The following CADM2 variants were observed in gnomAD, a reference collection of about 807,000 sequenced individuals.
The protein encoded by CADM2 is immunoglobulin superfamily member 4D.
Under a neutral mutation model 49.8 loss-of-function variants are expected in CADM2, and 12 were observed. The observed-to-expected ratio is 0.24, with a 90% CI of 0.15 to 0.39. The LOEUF (loss-of-function observed/expected upper bound fraction) is 0.39, where lower values mean the gene tolerates loss of function less well. CADM2 is among the 10% of genes least tolerant of loss of function. The pLI is 1.00. For synonymous variants in CADM2, 214 were observed against 175.4 expected (o/e 1.22, Z -1.74); for missense variants, 378 against 492.3 (o/e 0.77, Z 2.20).
At chr3:85,069,908 T>C (rs1255980996) in intron 1 of CADM2, among the ~76,000 whole-genome samples, 1 of 152,188 alleles carries the variant, frequency 6.6e-6, no homozygotes, top group Non-Finnish European at 1.5e-5. Flanking sequence ...TATGTGTTGC[T>C]ATTCCTTAGC....
intron 8 of CADM2, among the ~76,000 whole-genome samples, chr3:85,997,407 A>C (rs1457239283): frequency 1.3e-5 from 2 of 152,168 alleles, no homozygotes; most frequent in Non-Finnish European, 2.9e-5. Flanking sequence ...GTGTATTGCA[A>C]ATTACTACAA....
At chr3:86,046,491 G>A (rs1736701298) in intron 8 of CADM2, among the ~76,000 whole-genome samples, 1 of 152,078 alleles carries the variant, frequency 6.6e-6, no homozygotes, top group East Asian at 1.9e-4. Context: ...ATGTGGCAAT[G>A]TTTGGGGACA....
At chr3:85,122,285 T>C (rs551047028) in intron 1 of CADM2, among the ~76,000 whole-genome samples, 17 of 152,294 alleles carry the variant, frequency 1.1e-4, no homozygotes, top group African/African-American at 3.4e-4. Flanking sequence ...TCAAGACTAA[T>C]TAAACATGAA....
intron 8 of CADM2, among the ~76,000 whole-genome samples, chr3:85,986,257 A>G (rs1728096960): frequency 6.6e-6 from 1 of 152,070 alleles, no homozygotes; most frequent in African/African-American, 2.4e-5. Flanking sequence ...AAACATCAGA[A>G]TAAAAGAAAA....
At chr3:85,017,747 C>A (rs1195344635) in intron 1 of CADM2, among the ~76,000 whole-genome samples, 1 of 152,152 alleles carries the variant, frequency 6.6e-6, no homozygotes, top group African/African-American at 2.4e-5. Context: ...AAACTAAATT[C>A]TTAACCAAAT....
At chr3:85,527,024 T>C (rs1387570740) in intron 1 of CADM2, among the ~76,000 whole-genome samples, 2 of 152,182 alleles carry the variant, frequency 1.3e-5, no homozygotes, top group South Asian at 2.1e-4. Flanking sequence ...TTTAGAAATA[T>C]GGACAAAATA....
At chr3:85,052,199 A>G (rs961158266) in intron 1 of CADM2, among the ~76,000 whole-genome samples, 13 of 152,144 alleles carry the variant, frequency 8.5e-5, no homozygotes, top group African/African-American at 3.1e-4. Flanking sequence ...CTGTGATTGA[A>G]GCTATTTCCC....
chr3:86,058,747 A>G (rs1028956785), intron 8 of CADM2, among the ~76,000 whole-genome samples: 6 of 152,068 alleles, frequency 3.9e-5, no homozygotes, highest in African/African-American at 1.4e-4. Context: ...TCCTACCATT[A>G]TATTTATAAC....
chr3:85,739,412 C>A (rs918123446), intron 2 of CADM2, among the ~76,000 whole-genome samples: 1 of 151,958 alleles, frequency 6.6e-6, no homozygotes, highest in Non-Finnish European at 1.5e-5. Context: ...AAAGTTTAAA[C>A]AAATTAATCA....
chr3:85,156,821 G>GTT (rs1447687637), intron 1 of CADM2, among the ~76,000 whole-genome samples: 1 of 152,172 alleles, frequency 6.6e-6, no homozygotes, highest in Non-Finnish European at 1.5e-5. Flanking sequence ...TCAACATAGT[G>GTT]TTGGAAGTTC....
At chr3:84,975,705 T>C (rs2031775563) in intron 1 of CADM2, among the ~76,000 whole-genome samples, 1 of 151,848 alleles carries the variant, frequency 6.6e-6, no homozygotes, top group Non-Finnish European at 1.5e-5. Flanking sequence ...GAGAAAACTC[T>C]TTGTGTTTTC....
At chr3:85,139,884 A>G (rs895002073) in intron 1 of CADM2, among the ~76,000 whole-genome samples, 4 of 152,158 alleles carry the variant, frequency 2.6e-5, no homozygotes, top group African/African-American at 9.7e-5. Context: ...AGAAGGCAGA[A>G]GCATCTTGCC....
At chr3:85,247,255 T>C (rs75459996) in intron 1 of CADM2, among the ~76,000 whole-genome samples, 9,477 of 152,200 alleles carry the variant, frequency 0.062, 428 homozygotes, top group Non-Finnish European at 0.095. Flanking sequence ...TGTGGTGTTA[T>C]GTTAACTTTT....
At chr3:85,343,753 A>G (rs898511882) in intron 1 of CADM2, among the ~76,000 whole-genome samples, 4 of 152,212 alleles carry the variant, frequency 2.6e-5, no homozygotes, top group Non-Finnish European at 5.9e-5. Context: ...CTTGAGCCAC[A>G]GGGGAAAGCT....
At chr3:85,682,850 G>A (rs2066077798) in intron 1 of CADM2, among the ~76,000 whole-genome samples, 1 of 151,890 alleles carries the variant, frequency 6.6e-6, no homozygotes, top group Non-Finnish European at 1.5e-5. Flanking sequence ...TGAGTCTTCT[G>A]TTATTTATTT....
chr3:85,395,074 C>T (rs940316130), intron 1 of CADM2, among the ~76,000 whole-genome samples: 1 of 151,314 alleles, frequency 6.6e-6, no homozygotes, highest in Non-Finnish European at 1.5e-5. Context: ...CACAACAACC[C>T]AAATAACGAA....
chr3:85,551,377 T>C (rs529939362), intron 1 of CADM2, among the ~76,000 whole-genome samples: 8 of 152,270 alleles, frequency 5.3e-5, no homozygotes, highest in African/African-American at 1.9e-4. Flanking sequence ...AAAGCCTGTA[T>C]TGCAGTTGCA....
chr3:86,051,173 T>C (rs1000782676), intron 8 of CADM2, among the ~76,000 whole-genome samples: 14 of 152,162 alleles, frequency 9.2e-5, no homozygotes, highest in African/African-American at 3.4e-4. Flanking sequence ...ATTTAGACAT[T>C]TATTCTGCCA....
Position 85,976,247 on chromosome 3 carries a change from G to A in CADM2, c.970+14600G>A, listed in dbSNP as rs550544843. Among the ~76,000 whole-genome samples the A allele has an allele frequency of 5.9e-5, 9 of 151,670 alleles. 1 individual carries two copies. The highest frequency in any genetic ancestry group is 2.2e-4 in the African/African-American group (9 of 41,450). On this transcript the variant is annotated intron_variant, in intron 8 of 9. Coordinates refer to ENST00000383699, the MANE Select transcript of CADM2 (RefSeq NM_001167675.2). ...TGATGGAGTCTTCTTTTCATTAACA[G>A]TGTAAGAGGTTTAAAAATGTACAGG...
Sources: allele counts gnomAD v4.1 joint callset (sites outside exome capture counted in the v4.1 genomes callset), GRCh38; gene constraint gnomAD v4.1.1; transcripts MANE v1.5; gene names NCBI Gene and HGNC (gene_info 2026-07-23, HGNC 2026-07-21).